Variants in SNX14 observed in about 807,000 individuals in gnomAD.
SNX14 encodes the protein sorting nexin-14.
SNX14 carries 93 observed loss-of-function variants against 133.8 expected under a neutral mutation model. That is an observed-to-expected ratio of 0.70 (90% confidence interval 0.59 to 0.83). The LOEUF (loss-of-function observed/expected upper bound fraction) is 0.83. SNX14 is among the 40% of genes least tolerant of loss of function. SNX14 has a pLI of 0.00. For synonymous variants in SNX14, 368 were observed against 365.6 expected (o/e 1.01, Z -0.07); for missense variants, 945 against 1,094.9 (o/e 0.86, Z 1.93).
chr6:85,533,133 T>C (rs1397200909), intron 18 of SNX14, among the ~76,000 whole-genome samples: 1 of 152,208 alleles, frequency 6.6e-6, no homozygotes, highest in Non-Finnish European at 1.5e-5. Context: ...GTAATCCACC[T>C]GCCTTGGCCT....
Position 85,513,828 on chromosome 6 carries a change from A to T in SNX14, c.2625T>A (p.Thr875=), listed in dbSNP as rs754217983. The part of the protein sequence containing the change: ...LQDKQKGAKQ[T]FEEMMNYIPD... ...GAATGTAATTCATCATTTCTTCAAA[A>T]GTCTGTTTTGCTCCTTTTTGCTTAT... The change falls in exon 26 of 29, where the codon ACT becomes ACA. Residue 875 remains threonine, a synonymous_variant. Coordinates refer to ENST00000314673, the MANE Select transcript of SNX14 (RefSeq NM_153816.6). The T allele has an allele frequency of 6.2e-7, 1 of 1,612,718 alleles. No homozygotes were observed. Among genetic ancestry groups the T allele is most frequent in the Non-Finnish European group, 8.5e-7 (1 of 1,179,294 alleles).
At chr6:85,530,358 A>G in intron 18 of SNX14, 83 bp from the exon 19 acceptor site, 1 of 935,722 alleles carries the variant, frequency 1.1e-6, no homozygotes, top group South Asian at 1.7e-5. Flanking sequence ...TAAGAATACA[A>G]AGCTGGCTAG....
intron 17 of SNX14, among the ~76,000 whole-genome samples, chr6:85,534,829 A>G (rs1781379577): frequency 1.5e-5 from 1 of 65,028 alleles, no homozygotes; most frequent in Non-Finnish European, 2.8e-5. Flanking sequence ...TGAAAAGGGA[A>G]AGTTTTTTTT....
At chr6:85,543,066 T>G in intron 14 of SNX14, 116 bp downstream of exon 14, 1 of 1,067,610 alleles carries the variant, frequency 9.4e-7, no homozygotes, top group Non-Finnish European at 1.3e-6. Context: ...CTGTGCCCAG[T>G]AATCTTGTCT....
chr6:85,560,686 T>C (rs975718626), intron 6 of SNX14, among the ~76,000 whole-genome samples: 1 of 152,142 alleles, frequency 6.6e-6, no homozygotes, highest in African/African-American at 2.4e-5. Context: ...TATATATCTA[T>C]AAACCACTCC....
At chr6:85,565,103 A>T (rs1793336140) in intron 6 of SNX14, among the ~76,000 whole-genome samples, 1 of 92,026 alleles carries the variant, frequency 1.1e-5, no homozygotes, top group Admixed American at 1.3e-4. Context: ...TGTACATTTA[A>T]AAGTAACTGA....
chr6:85,576,387 GACA>G (rs1006716866), intron 1 of SNX14, among the ~76,000 whole-genome samples: 1 of 152,114 alleles, frequency 6.6e-6, no homozygotes, highest in Admixed American at 6.5e-5. Flanking sequence ...ACAAAACGAT[GACA>G]ACAACAACAA....
At chr6:85,507,206 T>C in intron 28 of SNX14, 27 bp downstream of exon 28, 6 of 1,578,480 alleles carry the variant, frequency 3.8e-6, no homozygotes, top group Non-Finnish European at 5.2e-6. Context: ...AAGAAAATCA[T>C]GAATAAAATT....
At chr6:85,551,261 G>C (rs1403406103) in intron 7 of SNX14, among the ~76,000 whole-genome samples, 1 of 152,172 alleles carries the variant, frequency 6.6e-6, no homozygotes, top group African/African-American at 2.4e-5. Flanking sequence ...TGTGTTCTCA[G>C]AAAGATGCTA....
intron 1 of SNX14, chr6:85,589,653 T>G (rs1017069010): frequency 6.6e-6 from 1 of 152,292 alleles, no homozygotes; most frequent in Non-Finnish European, 1.5e-5. Flanking sequence ...AAGATCCTTA[T>G]GCTGAAAGAC....
chr6:85,526,275 A>T, intron 20 of SNX14, 38 bp from the exon 21 acceptor site: 1 of 1,276,202 alleles, frequency 7.8e-7, no homozygotes, highest in Non-Finnish European at 1.1e-6. Flanking sequence ...ACAGTTTAGA[A>T]ATCTAGAGGA....
intron 1 of SNX14, among the ~76,000 whole-genome samples, chr6:85,577,900 G>C (rs950672106): frequency 2.0e-5 from 3 of 152,172 alleles, no homozygotes; most frequent in African/African-American, 7.2e-5. Flanking sequence ...AATAAAAGAG[G>C]CACTGATTAA....
rs1192069144 is a variant in SNX14, at chr6:85,507,275, T to C, written c.2760A>G (p.Leu920=). 3 of 1,610,328 alleles carry C rather than the reference T, an allele frequency of 1.9e-6. No homozygotes were observed. Among genetic ancestry groups the C allele is most frequent in the South Asian group, 1.1e-5 (1 of 89,984 alleles). ...ACAGTTCCTGTATCACAATGTCCAATAAAACATAAGTCAGCTAAAGCACCA... is the reference window on the plus strand; with the variant it reads ...ACAGTTCCTGTATCACAATGTCCAACAAAACATAAGTCAGCTAAAGCACCA... ...PVLNKQLTYV[L]LDIVIQELFP... Residue 920 remains leucine (L), a synonymous_variant, in exon 28 of 29, where the codon TTA becomes TTG. Transcript: ENST00000314673.
Position 85,547,343 on chromosome 6 carries a change from C to T in SNX14, c.967G>A (p.Ala323Thr). 1 of 1,613,612 alleles carries T rather than the reference C, an allele frequency of 6.2e-7. No homozygotes were observed. Among genetic ancestry groups the T allele is most frequent in the Non-Finnish European group, 8.5e-7 (1 of 1,179,932 alleles). ...GATGGCTTTTTATTTCTAGGTTCTG[C>T]AAATTTCTGCAAGAATGGAACCAAA... Reference protein sequence around the residue: ...SPLVPFLQKFAEPRNKKPSVL... With the variant: ...SPLVPFLQKFTEPRNKKPSVL... The change falls in exon 11 of 29, where the codon GCA becomes ACA. Residue 323 changes from alanine to threonine, a missense_variant. Ala to Thr is a moderately conservative substitution (Grantham distance 58). Coordinates refer to ENST00000314673, the MANE Select transcript of SNX14 (RefSeq NM_153816.6).
intron 1 of SNX14, among the ~76,000 whole-genome samples, chr6:85,580,384 C>T (rs989896742): frequency 3.9e-5 from 6 of 152,130 alleles, no homozygotes; most frequent in South Asian, 2.1e-4. Flanking sequence ...TGAGGTATGC[C>T]GGCCTCAGGT....
intron 23 of SNX14, among the ~76,000 whole-genome samples, chr6:85,516,980 G>GCTA (rs1420470913): frequency 1.3e-5 from 2 of 152,026 alleles, no homozygotes; most frequent in African/African-American, 4.8e-5. Context: ...TACAAAAAGA[G>GCTA]CTACACCACA....
At chr6:85,542,605 G>A (rs572620227) in intron 14 of SNX14, among the ~76,000 whole-genome samples, 5 of 152,004 alleles carry the variant, frequency 3.3e-5, no homozygotes, top group South Asian at 2.1e-4. Flanking sequence ...TGTGTTAGCC[G>A]GGACAGTCTT....
intron 12 of SNX14, among the ~76,000 whole-genome samples, chr6:85,546,684 C>G (rs747931649): frequency 6.6e-6 from 1 of 151,880 alleles, no homozygotes; most frequent in African/African-American, 2.4e-5. Context: ...AGTATATGGC[C>G]GGGCGCGGTG....
At chr6:85,586,784 T>G (rs999412795) in intron 1 of SNX14, among the ~76,000 whole-genome samples, 1 of 151,892 alleles carries the variant, frequency 6.6e-6, no homozygotes, top group South Asian at 2.1e-4. Flanking sequence ...GGTGCATAAT[T>G]TCAGCAATTT....
Sources: gnomAD v4.1 joint callset for allele counts (sites outside exome capture counted in the v4.1 genomes callset) on GRCh38, gnomAD v4.1.1 for gene constraint, MANE v1.5 for transcripts, NCBI Gene and HGNC (gene_info 2026-07-23, HGNC 2026-07-21) for gene names.